Variants in EFNA3 observed in about 807,000 individuals in gnomAD.
EFNA3 encodes ephrin A3.
A neutral mutation model predicts 25.0 loss-of-function variants in EFNA3; 15 were observed. The ratio of observed to expected loss-of-function variants is 0.60; its 90% CI spans 0.40 to 0.92. The LOEUF (loss-of-function observed/expected upper bound fraction) is 0.92, where lower values mean the gene tolerates loss of function less well. EFNA3 is among the 40% of genes least tolerant of loss of function. The pLI, the probability that EFNA3 is intolerant of heterozygous loss-of-function variation, is 0.00. For synonymous variants in EFNA3, 153 were observed against 145.6 expected (o/e 1.05, Z -0.37); for missense variants, 298 against 323.8 (o/e 0.92, Z 0.61).
Position 155,086,693 on chromosome 1 carries a change from T to A in EFNA3, c.*150T>A. ...GCACCATACATCTGTGTCCGCCCCC[T>A]CTACCCCTTCCCCCCACGTAGGGCA... On this transcript the variant is annotated 3_prime_UTR_variant, in exon 5 of 5. Coordinates refer to ENST00000368408, the MANE Select transcript of EFNA3 (RefSeq NM_004952.5). The A allele has an allele frequency of 7.3e-6, 7 of 958,134 alleles. No homozygotes were observed. Among genetic ancestry groups the A allele is most frequent in the Non-Finnish European group, 1.1e-5 (7 of 659,356 alleles). 59.4% of individuals were successfully genotyped at this position (958,134 alleles called of 1,614,324 possible). A position where few individuals can be genotyped will look rare whatever the true frequency, so the allele number is the denominator to read the frequency against.
At position 155,086,632 on chromosome 1, in the gene EFNA3, C is replaced by T. The variant is rs1257289681; in HGVS notation, c.*89C>T. 1 of 1,505,598 alleles carries T rather than the reference C, an allele frequency of 6.6e-7. No homozygotes were observed. The highest frequency in any genetic ancestry group is 1.4e-5 in the African/African-American group (1 of 71,776). The allele number at this position is 1,505,598 out of a possible 1,614,324, so 93.3% of individuals were successfully genotyped here. A position where few individuals can be genotyped will look rare whatever the true frequency, so the allele number is the denominator to read the frequency against. On this transcript the variant is annotated 3_prime_UTR_variant, in exon 5 of 5. Transcript: ENST00000368408. Reference sequence around the variant, plus strand: ...GCCTCTCCAAGGGAAGCCTAGTGGGCCTAGACCCCTCCTCCCATGGCTAGA... The same window carrying T: ...GCCTCTCCAAGGGAAGCCTAGTGGGTCTAGACCCCTCCTCCCATGGCTAGA...
Position 155,085,936 on chromosome 1 carries a change from G to T in EFNA3, c.502G>T (p.Ala168Ser). 3.1e-6 allele frequency: 5 copies of T among 1,610,726 alleles called. No individual in the cohort carries two copies. The highest frequency in any genetic ancestry group is 4.2e-6 in the Non-Finnish European group (5 of 1,178,606). ...GAGGATGAAGGTGTTCGTCTGCTGC[G>T]CCTCCAGTGAGTAGAATAGGCTCCG... is the stretch of plus-strand genomic sequence containing the variant. ...CLRMKVFVCC[A>S]STSHSGEKPV... Residue 168 changes from alanine (A) to serine (S), a missense_variant, in exon 3 of 5, where the codon GCC becomes TCC. Ala to Ser is a moderately conservative substitution (Grantham distance 99). Transcript: ENST00000368408. The surrounding 1 kb of genome is among the most constrained non-coding windows in gnomAD (Gnocchi z 4.4).
In EFNA3 at chr1:155,079,152, C is replaced by A; in HGVS notation, c.128+83C>A. ...GGGCCCGAGAAGTCCTGGGGGATCC[C>A]GGGGTGGGAGTCCTGGGAGACCAGA... is the stretch of plus-strand genomic sequence containing the variant. On this transcript the variant is annotated intron_variant, in intron 1 of 4. Transcript: ENST00000368408. This position sits in a 1 kb window ranked among gnomAD's most constrained non-coding sequence, Gnocchi z 7.7. 1 of 1,048,592 alleles carries A rather than the reference C, an allele frequency of 9.5e-7. No homozygotes were observed. The highest frequency in any genetic ancestry group is 3.9e-5 in the South Asian group (1 of 25,656). The allele number at this position is 1,048,592 out of a possible 1,614,324, so 65.0% of individuals were successfully genotyped here. A position where few individuals can be genotyped will look rare whatever the true frequency, so the allele number is the denominator to read the frequency against.
At chr1:155,082,620 G>A (rs1467381255) in intron 1 of EFNA3, among the ~76,000 whole-genome samples, 2 of 152,136 alleles carry the variant, frequency 1.3e-5, no homozygotes, top group Admixed American at 6.5e-5. Context: ...GGGGTGTGTC[G>A]GCATTCGCCT....
In EFNA3 at chr1:155,085,837, A is replaced by G. The variant is rs1455800451; in HGVS notation, c.443-40A>G. ...AGCCGTCGAGGGAGGGCACAGGCAC[A>G]CATTGGGCGAAAGTGACTCAGGCCC... On this transcript the variant is annotated intron_variant, in intron 2 of 4. Transcript: ENST00000368408. The surrounding 1 kb of genome is among the most constrained non-coding windows in gnomAD (Gnocchi z 4.4). The G allele has an allele frequency of 1.2e-6, 2 of 1,608,836 alleles. No homozygotes were observed. Among genetic ancestry groups the G allele is most frequent in the Non-Finnish European group, 1.7e-6 (2 of 1,177,320 alleles).
At position 155,079,439 on chromosome 1, in the gene EFNA3, C is replaced by T. The variant is rs1407911059; in HGVS notation, c.128+370C>T. Among the ~76,000 whole-genome samples the T allele has an allele frequency of 1.3e-5, 2 of 152,096 alleles. No individual in the cohort carries two copies. The highest frequency in any genetic ancestry group is 4.8e-5 in the African/African-American group (2 of 41,398). ...GGATAGGCCGCTGCATTTTGGGGCC[C>T]AGGGATGACCTGTTTTTGGCCATGA... is the stretch of plus-strand genomic sequence containing the variant. On this transcript the variant is annotated intron_variant, in intron 1 of 4. Transcript: ENST00000368408. The surrounding 1 kb of genome is among the most constrained non-coding windows in gnomAD (Gnocchi z 7.7).
At position 155,080,657 on chromosome 1, in the gene EFNA3, G is replaced by T. The variant is rs1339230051; in HGVS notation, c.128+1588G>T. ...AGGGGAAGCCAGAGCCGGGGAGGAT[G>T]CGGGAATAGGTTTGGTGGGGGGAGG... On this transcript the variant is annotated intron_variant, in intron 1 of 4. Transcript: ENST00000368408. The surrounding 1 kb of genome is among the most constrained non-coding windows in gnomAD (Gnocchi z 7.0). 6.6e-6 allele frequency among the ~76,000 whole-genome samples: 1 copy of T among 152,214 alleles called. No individual in the cohort carries two copies. Among genetic ancestry groups the T allele is most frequent in the Non-Finnish European group, 1.5e-5 (1 of 68,016 alleles).
In EFNA3 at chr1:155,078,993, C is replaced by A; in HGVS notation, c.52C>A (p.Leu18Met). The change falls in exon 1 of 5, where the codon CTG becomes ATG. Residue 18 changes from leucine (L) to methionine (M), a missense_variant. Leu to Met is a conservative substitution (Grantham distance 15). Transcript: ENST00000368408. The part of the protein sequence containing the change: ...LLLLLVPVPL[L>M]PLLAQGPGGA... ...GCTGCTGCTCGTGCCCGTGCCGCTG[C>A]TGCCGCTGCTGGCCCAAGGGCCCGG... 7.0e-7 allele frequency: 1 copy of A among 1,435,410 alleles called. No homozygotes were observed. Among genetic ancestry groups the A allele is most frequent in the Non-Finnish European group, 9.2e-7 (1 of 1,091,206 alleles). The allele number at this position is 1,435,410 out of a possible 1,614,324, so 88.9% of individuals were successfully genotyped here. A position where few individuals can be genotyped will look rare whatever the true frequency, so the allele number is the denominator to read the frequency against.
At chr1:155,084,931 A>C (rs1663420042) in intron 1 of EFNA3, among the ~76,000 whole-genome samples, 160 bp from the exon 2 acceptor site, 1 of 152,208 alleles carries the variant, frequency 6.6e-6, no homozygotes, top group Non-Finnish European at 1.5e-5. Context: ...GAGCGGCGGC[A>C]CTAGGGCCCC....
chr1:155,086,103 T>TA, intron 3 of EFNA3, 25 bp from the exon 4 acceptor site: 1 of 1,577,736 alleles, frequency 6.3e-7, no homozygotes, highest in Non-Finnish European at 8.7e-7. Flanking sequence ...CCCTCCTCTC[T>TA]CCCCACCCGC....
In EFNA3 at chr1:155,080,242, C is replaced by A. The variant is rs1407828140; in HGVS notation, c.128+1173C>A. Among the ~76,000 whole-genome samples, 1 of 151,996 alleles carries A rather than the reference C, an allele frequency of 6.6e-6. No homozygotes were observed. The highest frequency in any genetic ancestry group is 1.5e-5 in the Non-Finnish European group (1 of 67,968). On this transcript the variant is annotated intron_variant, in intron 1 of 4. Transcript: ENST00000368408. This position sits in a 1 kb window ranked among gnomAD's most constrained non-coding sequence, Gnocchi z 7.0. The stretch of plus-strand genomic sequence containing the variant: ...ATGGCCAGACCCCAGGGGAGGGGAC[C>A]GGGAGGGCCGGGCGGCCGCGACCCC...
intron 1 of EFNA3, among the ~76,000 whole-genome samples, chr1:155,082,129 C>T (rs1340877411): frequency 2.6e-5 from 4 of 152,150 alleles, no homozygotes; most frequent in African/African-American, 7.2e-5. Flanking sequence ...AGCGTTCCCG[C>T]CACCACCGCC....
In EFNA3 at chr1:155,078,916, G is replaced by GGGCGGCGGC. The variant is rs886197249; in HGVS notation, c.-16_-8dup. On this transcript the variant is annotated 5_prime_UTR_variant, in exon 1 of 5. Transcript: ENST00000368408. ...GCCGGGAGCGCGGGGCTCAGTCGGGGGGCGGCGGCGGCGGCGGCTCCGGGG... is the reference window on the plus strand; with the variant it reads ...GCCGGGAGCGCGGGGCTCAGTCGGGGGGCGGCGGCGGCGGCGGCGGCGGCGGCTCCGGGG... The GGGCGGCGGC allele has an allele frequency of 2.0e-4, 273 of 1,376,256 alleles. No homozygotes were observed. Among genetic ancestry groups the GGGCGGCGGC allele is most frequent in the Non-Finnish European group, 2.4e-4 (260 of 1,066,150 alleles). The allele number at this position is 1,376,256 out of a possible 1,614,324, so 85.3% of individuals were successfully genotyped here.
chr1:155,082,242 G>A (rs1440864232), intron 1 of EFNA3, among the ~76,000 whole-genome samples: 1 of 152,200 alleles, frequency 6.6e-6, no homozygotes, highest in Non-Finnish European at 1.5e-5. Flanking sequence ...GCGCGCTAGA[G>A]GGAAGAGGAA....
chr1:155,084,520 G>A (rs1037644383), intron 1 of EFNA3, among the ~76,000 whole-genome samples: 2 of 152,378 alleles, frequency 1.3e-5, no homozygotes. Flanking sequence ...TATGCATGAA[G>A]CCGCCATACA....
At position 155,085,655 on chromosome 1, in the gene EFNA3, C is replaced by A. The variant is rs1264434096; in HGVS notation, c.443-222C>A. 1 of 685,088 alleles carries A rather than the reference C, an allele frequency of 1.5e-6. No individual in the cohort carries two copies. Among genetic ancestry groups the A allele is most frequent in the African/African-American group, 1.8e-5 (1 of 55,416 alleles). 42.4% of individuals were successfully genotyped at this position (685,088 alleles called of 1,614,324 possible). On this transcript the variant is annotated intron_variant, in intron 2 of 4. Transcript: ENST00000368408. This position sits in a 1 kb window ranked among gnomAD's most constrained non-coding sequence, Gnocchi z 4.4. ...AATCGCTGTTTCTGTGAGGGACATT[C>A]CGGGGTTGGAACATCAGGGATCCCA...
At position 155,079,456 on chromosome 1, in the gene EFNA3, T is replaced by G. The variant is rs761622501; in HGVS notation, c.128+387T>G. 4.8e-4 allele frequency among the ~76,000 whole-genome samples: 73 copies of G among 152,116 alleles called. No individual in the cohort carries two copies. The highest frequency in any genetic ancestry group is 2.7e-3 in the Admixed American group (41 of 15,282). The stretch of plus-strand genomic sequence containing the variant: ...TTGGGGCCCAGGGATGACCTGTTTT[T>G]GGCCATGAGGGCTTCCAGGGGTTCT... On this transcript the variant is annotated intron_variant, in intron 1 of 4. Transcript: ENST00000368408. The surrounding 1 kb of genome is among the most constrained non-coding windows in gnomAD (Gnocchi z 7.7).
Position 155,081,220 on chromosome 1 carries a change from T to G in EFNA3, c.128+2151T>G, listed in dbSNP as rs796342996. Among the ~76,000 whole-genome samples, 69 of 152,328 alleles carry G rather than the reference T, an allele frequency of 4.5e-4. No individual in the cohort carries two copies. Among genetic ancestry groups the G allele is most frequent in the African/African-American group, 1.6e-3 (67 of 41,576 alleles). On this transcript the variant is annotated intron_variant, in intron 1 of 4. Coordinates refer to ENST00000368408, the MANE Select transcript of EFNA3 (RefSeq NM_004952.5). This position sits in a 1 kb window ranked among gnomAD's most constrained non-coding sequence, Gnocchi z 5.2. ...ACCTAGCCCTCTGCCCCCCACTCAG[T>G]ACTTCCATTTAGTCCCGTGGAACAG...
In EFNA3 at chr1:155,086,707, C is replaced by A; in HGVS notation, c.*164C>A. ...TGTCCGCCCCCTCTACCCCTTCCCC[C>A]CACGTAGGGCACTGTAGTGGACCAA... On this transcript the variant is annotated 3_prime_UTR_variant, in exon 5 of 5. Transcript: ENST00000368408. The A allele has an allele frequency of 1.2e-6, 1 of 845,522 alleles. No individual in the cohort carries two copies. The highest frequency in any genetic ancestry group is 1.8e-6 in the Non-Finnish European group (1 of 560,412). 52.4% of individuals were successfully genotyped at this position (845,522 alleles called of 1,614,324 possible). A position where few individuals can be genotyped will look rare whatever the true frequency, so the allele number is the denominator to read the frequency against.
Sources: gnomAD v4.1 joint callset for allele counts (sites outside exome capture counted in the v4.1 genomes callset) on GRCh38, gnomAD v4.1.1 for gene constraint, Gnocchi (gnomAD v3.1) non-coding constraint, MANE v1.5 for transcripts, NCBI Gene and HGNC (gene_info 2026-07-23, HGNC 2026-07-21) for gene names.